Variants in PIWIL4 observed in about 807,000 individuals in gnomAD.
PIWIL4 encodes piwi like RNA-mediated gene silencing 4, also known as piwi-like protein 4.
PIWIL4 carries 50 observed loss-of-function variants against 100.9 expected under a neutral mutation model. That is an observed-to-expected ratio of 0.50 (90% CI 0.39 to 0.63). PIWIL4 has a LOEUF of 0.63. PIWIL4 is among the 20% of genes least tolerant of loss of function. The pLI, the probability that PIWIL4 is intolerant of heterozygous loss-of-function variation, is 0.00. For synonymous variants in PIWIL4, 342 were observed against 367.5 expected, an observed-to-expected ratio of 0.93 and a Z score of 0.79; for missense variants, 887 against 1,043.3, an observed-to-expected ratio of 0.85 and a Z score of 2.06.
chr11:94,598,037 T>G, intron 11 of PIWIL4, 122 bp downstream of exon 11: 1 of 692,622 alleles, frequency 1.4e-6, no homozygotes, highest in East Asian at 2.8e-5. Context: ...TTCCATCTCT[T>G]TATCCTAAGA....
intron 12 of PIWIL4, among the ~76,000 whole-genome samples, chr11:94,603,782 C>A (rs1201147827): frequency 7.9e-5 from 12 of 152,124 alleles, no homozygotes; most frequent in African/African-American, 2.7e-4. Context: ...ATTTTTTACA[C>A]TGTAAAAATT....
rs563211896 is a variant in PIWIL4 at position 94,567,694 on chromosome 11, C to A, written c.87+89C>A. ...TGCCTTCCTCTGCATGTATCTCCTCCTCTCTGTTACGAAGTAGTGCGTTAT... is the reference window on the plus strand; with the variant it reads ...TGCCTTCCTCTGCATGTATCTCCTCATCTCTGTTACGAAGTAGTGCGTTAT... On this transcript the variant is annotated intron_variant, in intron 1 of 19. Coordinates refer to ENST00000299001, the MANE Select transcript of PIWIL4 (RefSeq NM_152431.3). 87 of 1,375,004 alleles carry A rather than the reference C, an allele frequency of 6.3e-5. No individual in the cohort carries two copies. In the Middle Eastern group the frequency reaches 2.3e-3, roughly 36 times the overall value. 85.2% of individuals were successfully genotyped at this position (1,375,004 alleles called of 1,614,324 possible). A position where few individuals can be genotyped will look rare whatever the true frequency, so the allele number is the denominator to read the frequency against.
At chr11:94,577,542 T>C in intron 4 of PIWIL4, 50 bp downstream of exon 4, 1 of 1,424,464 alleles carries the variant, frequency 7.0e-7, no homozygotes, top group East Asian at 2.3e-5. Context: ...GTGTTTATTA[T>C]ATGTGTATAC....
At position 94,585,525 on chromosome 11, in the gene PIWIL4, A is replaced by C. The variant is rs756287265; in HGVS notation, c.716A>C (p.Lys239Thr). 6.3e-7 allele frequency: 1 copy of C among 1,599,644 alleles called. No individual in the cohort carries two copies. Among genetic ancestry groups the C allele is most frequent in the South Asian group, 1.1e-5 (1 of 88,556 alleles). ...GAGCCAATGGAAATTCCCCAGCACA[A>C]GTAGGTTTATTTATATTTTCTGTTA... Reference protein sequence around the residue: ...PSEPMEIPQHKLSLWPGFAIS... With the variant: ...PSEPMEIPQHTLSLWPGFAIS... Residue 239 changes from lysine to threonine, a missense_variant and splice_region_variant, in exon 6 of 20, where the codon AAA (lysine) becomes ACA (threonine). Lys to Thr is a moderately conservative substitution (Grantham distance 78, BLOSUM62 -1). Around this residue, in one of 2 missense-constraint regions of PIWIL4, gnomAD observed 741 missense variants for 930.0 expected, o/e 0.80. Coordinates refer to ENST00000299001, the MANE Select transcript of PIWIL4 (RefSeq NM_152431.3).
chr11:94,595,579 AG>A (rs1415183279), intron 10 of PIWIL4, among the ~76,000 whole-genome samples, 153 bp downstream of exon 10: 1 of 152,238 alleles, frequency 6.6e-6, no homozygotes, highest in African/African-American at 2.4e-5. Context: ...CCTTCATCTG[AG>A]ATGTCTCAGG....
In PIWIL4 at chr11:94,621,211, C is replaced by T. The variant is rs1030059063; in HGVS notation, c.*219C>T. On this transcript the variant is annotated 3_prime_UTR_variant, in exon 20 of 20. Transcript: ENST00000299001. Reference sequence around the variant, plus strand: ...TATGCTTGGGGTAAATTTTCATTGTCATATGTGGAATTTAAATATACCATC... The same window carrying T: ...TATGCTTGGGGTAAATTTTCATTGTTATATGTGGAATTTAAATATACCATC... The T allele has an allele frequency of 4.2e-6, 2 of 471,732 alleles. No homozygotes were observed. The highest frequency in any genetic ancestry group is 3.7e-5 in the Admixed American group (1 of 27,250). The allele number at this position is 471,732 out of a possible 1,614,324, so 29.2% of individuals were successfully genotyped here.
chr11:94,576,657 C>T (rs1295900355), intron 3 of PIWIL4, among the ~76,000 whole-genome samples: 1 of 152,150 alleles, frequency 6.6e-6, no homozygotes, highest in African/African-American at 2.4e-5. Flanking sequence ...CACACATGGC[C>T]TCCATGTGTC....
In PIWIL4 at chr11:94,596,653, G is replaced by A. The variant is rs537366979; in HGVS notation, c.1269-1151G>A. Among the ~76,000 whole-genome samples the A allele has an allele frequency of 7.9e-5, 12 of 152,156 alleles. No individual in the cohort carries two copies. In the South Asian group the frequency reaches 1.2e-3, roughly 16 times the overall value. On this transcript the variant is annotated intron_variant, in intron 10 of 19. Transcript: ENST00000299001. ...CCTGGACGTCCCTCAGACTTATGCC[G>A]AATTGAGAAGGAATTCCTGGTTCGT... is the stretch of plus-strand genomic sequence containing the variant.
chr11:94,576,422 C>T (rs1399154783), intron 3 of PIWIL4, among the ~76,000 whole-genome samples: 2 of 152,186 alleles, frequency 1.3e-5, no homozygotes, highest in Non-Finnish European at 2.9e-5. Context: ...GTGTGAGCCA[C>T]CGTGCCCAGC....
intron 11 of PIWIL4, 96 bp from the exon 12 acceptor site, chr11:94,601,699 C>T: frequency 1.7e-6 from 2 of 1,164,980 alleles, no homozygotes; most frequent in East Asian, 4.7e-5. Flanking sequence ...CTGTGTTAAA[C>T]AGTTATAACA....
chr11:94,567,550 G>T lies in PIWIL4; in HGVS notation c.32G>T (p.Gly11Val). 1 of 1,605,574 alleles carries T rather than the reference G, an allele frequency of 6.2e-7. No individual in the cohort carries two copies. The highest frequency in any genetic ancestry group is 1.3e-5 in the African/African-American group (1 of 75,032). ...GGAAGAGCCCGAGTGAAGGCCAGAG[G>T]CATCGCCCGCAGCCCCAGTGCCACA... MSGRARVKAR[G>V]IARSPSATEV... The change falls in exon 1 of 20, where the codon GGC becomes GTC. Residue 11 changes from glycine (G) to valine (V), a missense_variant. Gly to Val is a moderately radical substitution (Grantham distance 109). Around this residue, in one of 2 missense-constraint regions of PIWIL4, gnomAD observed 146 missense variants for 113.4 expected, o/e 1.29. Transcript: ENST00000299001.
chr11:94,577,002 G>A (rs972905537), intron 3 of PIWIL4, among the ~76,000 whole-genome samples: 5 of 152,174 alleles, frequency 3.3e-5, no homozygotes, highest in Non-Finnish European at 7.3e-5. Context: ...AGGTGTCCTG[G>A]AATGGTTGAG....
intron 2 of PIWIL4, among the ~76,000 whole-genome samples, chr11:94,569,982 A>T (rs1027184734): frequency 2.6e-5 from 4 of 152,232 alleles, no homozygotes; most frequent in African/African-American, 9.6e-5. Flanking sequence ...CAGAAAAAAA[A>T]AATCTGAACG....
Position 94,607,649 on chromosome 11 carries a change from C to T in PIWIL4, c.1839+10C>T, listed in dbSNP as rs150356844. 740 of 1,607,038 alleles carry T rather than the reference C, an allele frequency of 4.6e-4. 10 individuals carry two copies. In the African/African-American group the frequency reaches 8.5e-3, roughly 19 times the overall value. On this transcript the variant is annotated intron_variant, in intron 14 of 19. Coordinates refer to ENST00000299001, the MANE Select transcript of PIWIL4 (RefSeq NM_152431.3). ...GGCTGTGGAAATACCTGTAAGGACC[C>T]TGTCACATTTTTTCTATTAGTAATT...
At chr11:94,595,482 C>T in intron 10 of PIWIL4, 56 bp downstream of exon 10, 1 of 1,267,896 alleles carries the variant, frequency 7.9e-7, no homozygotes, top group Non-Finnish European at 1.1e-6. Context: ...ATTAGATGGC[C>T]TATGTAACAC....
chr11:94,594,415 G>A (rs909705674), intron 9 of PIWIL4, among the ~76,000 whole-genome samples: 5 of 150,628 alleles, frequency 3.3e-5, no homozygotes, highest in Admixed American at 6.6e-5. Context: ...GCAGTGAGCC[G>A]CGATCACGCC....
At chr11:94,584,456 G>A (rs527849036) in intron 5 of PIWIL4, among the ~76,000 whole-genome samples, 1 of 152,290 alleles carries the variant, frequency 6.6e-6, no homozygotes, top group South Asian at 2.1e-4. Context: ...TCAGCTTACT[G>A]CATATCAGCT....
rs148847419 is a variant in PIWIL4 at position 94,587,167 on chromosome 11, T to C, written c.834T>C (p.Thr278=). Residue 278 remains threonine, a synonymous_variant, in exon 7 of 20, where the codon ACT becomes ACC. Coordinates refer to ENST00000299001, the MANE Select transcript of PIWIL4 (RefSeq NM_152431.3). ...LRNETVLEFM[T]ALCQRTGLSC... Reference sequence around the variant, plus strand: ...ATGAGACGGTTCTGGAATTCATGACTGCTCTCTGTCAAAGAACTGGCTTGT... The same window carrying C: ...ATGAGACGGTTCTGGAATTCATGACCGCTCTCTGTCAAAGAACTGGCTTGT... 1,649 of 1,614,210 alleles carry C rather than the reference T, an allele frequency of 1.0e-3. 40 individuals are homozygous for C. The East Asian group carries it at 0.033, about 33-fold the overall frequency.
intron 2 of PIWIL4, 114 bp from the exon 3 acceptor site, chr11:94,574,885 C>T: frequency 9.1e-7 from 1 of 1,096,450 alleles, no homozygotes; most frequent in East Asian, 2.6e-5. Flanking sequence ...GCAATATGGG[C>T]AAACTGTATT....
Sources: gnomAD v4.1 joint callset for allele counts (sites outside exome capture counted in the v4.1 genomes callset) on GRCh38, gnomAD v4.1.1 for gene constraint, gnomAD v4.1.1 regional missense constraint, MANE v1.5 for transcripts, NCBI Gene and HGNC (gene_info 2026-07-23, HGNC 2026-07-21) for gene names.